Variants in KCNIP4 observed in about 807,000 individuals in gnomAD.
KCNIP4 encodes Kv channel-interacting protein 4.
A neutral mutation model predicts 34.0 loss-of-function variants in KCNIP4; 12 were observed. That is an observed-to-expected ratio of 0.35 (90% confidence interval 0.23 to 0.57). KCNIP4 has a LOEUF of 0.57. Ranked by LOEUF, KCNIP4 falls within the 20% of genes least tolerant of loss-of-function variation. The probability of loss-of-function intolerance (pLI) is 0.83; values close to 1 mark genes in which losing one functional copy is unlikely to be tolerated. For synonymous variants in KCNIP4, 124 were observed against 102.2 expected (o/e 1.21, Z -1.29); for missense variants, 238 against 311.7 (o/e 0.76, Z 1.78).
chr4:21,882,861 G>A (rs1417084167), intron 1 of KCNIP4, among the ~76,000 whole-genome samples: 1 of 152,110 alleles, frequency 6.6e-6, no homozygotes, highest in Non-Finnish European at 1.5e-5. Flanking sequence ...ACCAGACATT[G>A]CCATGTGAGC....
At chr4:21,780,930 T>G (rs1054399309) in intron 1 of KCNIP4, among the ~76,000 whole-genome samples, 12 of 152,154 alleles carry the variant, frequency 7.9e-5, no homozygotes, top group Admixed American at 4.6e-4. Context: ...ATCACTCCAA[T>G]TTTTGCTTCT....
chr4:21,683,446 ATTTTTTTTTTTTTTTTTTTTTTTTTTTTT>A (rs71191533), intron 1 of KCNIP4, among the ~76,000 whole-genome samples: 1 of 46,554 alleles, frequency 2.1e-5, no homozygotes, highest in Admixed American at 3.5e-4. Flanking sequence ...GTGAAGCCAG[ATTTTTTTTTTTTTTTTTTTTTTTTTTTTT>A]TTTTTTTTTT....
rs993316052 is a variant in KCNIP4 at position 20,807,316 on chromosome 4, A to G, written c.288+43227T>C. On this transcript the variant is annotated intron_variant, in intron 3 of 8. Coordinates refer to ENST00000382152, the MANE Select transcript of KCNIP4 (RefSeq NM_025221.6). ...AATGGAACTACTTGACACCAACATA[A>G]ACATTAGTGCAAAGACAAGTGTGAA... Among the ~76,000 whole-genome samples, 18 of 152,232 alleles carry G rather than the reference A, an allele frequency of 1.2e-4. No individual in the cohort carries two copies. In the South Asian group the frequency reaches 3.5e-3, roughly 30 times the overall value.
chr4:21,878,762 A>G (rs534932097), intron 1 of KCNIP4, among the ~76,000 whole-genome samples: 1 of 152,222 alleles, frequency 6.6e-6, no homozygotes, highest in Non-Finnish European at 1.5e-5. Flanking sequence ...AAATATGGTC[A>G]GACAAGCAAG....
At chr4:21,105,067 T>C (rs181990845) in intron 1 of KCNIP4, among the ~76,000 whole-genome samples, 2 of 151,832 alleles carry the variant, frequency 1.3e-5, no homozygotes, top group Admixed American at 1.3e-4. Flanking sequence ...AGGATTGACT[T>C]GGCAATGTGG....
intron 1 of KCNIP4, among the ~76,000 whole-genome samples, chr4:21,039,482 C>T (rs1196228397): frequency 6.6e-6 from 1 of 152,046 alleles, no homozygotes; most frequent in African/African-American, 2.4e-5. Context: ...GCAAGAAACC[C>T]TTATTCTACT....
At chr4:21,237,772 G>A (rs945645468) in intron 1 of KCNIP4, among the ~76,000 whole-genome samples, 2 of 152,102 alleles carry the variant, frequency 1.3e-5, no homozygotes, top group African/African-American at 2.4e-5. Flanking sequence ...AGGACCAGAT[G>A]GATTCACAGC....
At chr4:21,104,292 G>A (rs1456562389) in intron 1 of KCNIP4, among the ~76,000 whole-genome samples, 1 of 152,054 alleles carries the variant, frequency 6.6e-6, no homozygotes, top group Admixed American at 6.6e-5. Context: ...CATTCTAACT[G>A]GTGTGAGATG....
intron 1 of KCNIP4, among the ~76,000 whole-genome samples, chr4:21,080,730 T>G (rs1377081025): frequency 6.6e-6 from 1 of 151,898 alleles, no homozygotes; most frequent in Non-Finnish European, 1.5e-5. Context: ...CTTTATTTAT[T>G]CTAATTTTGT....
chr4:21,396,066 G>GCC lies in KCNIP4; in HGVS notation c.62-513358_62-513357insGG, dbSNP rs60588686. On this transcript the variant is annotated intron_variant, in intron 1 of 8. Transcript: ENST00000382152. ...GACTATGTAGAGTCTCCTATATATAGTCTATATATACATATATAAGACTAT... is the reference window on the plus strand; with the variant it reads ...GACTATGTAGAGTCTCCTATATATAGCCTCTATATATACATATATAAGACTAT... Among the ~76,000 whole-genome samples, 293 of 150,378 alleles carry GCC rather than the reference G, an allele frequency of 1.9e-3. 6 individuals are homozygous for GCC. The highest frequency in any genetic ancestry group is 6.8e-3 in the African/African-American group (275 of 40,676).
intron 1 of KCNIP4, among the ~76,000 whole-genome samples, chr4:21,631,411 A>G (rs1577722087): frequency 6.6e-6 from 1 of 152,302 alleles, no homozygotes; most frequent in Admixed American, 6.5e-5. Context: ...GACCTATTGG[A>G]CAGGCAATTT....
At chr4:21,432,373 C>T (rs80120254) in intron 1 of KCNIP4, among the ~76,000 whole-genome samples, 3,303 of 151,758 alleles carry the variant, frequency 0.022, 124 homozygotes, top group African/African-American at 0.076. Context: ...AAAAGCACCT[C>T]AATTTAGCAA....
chr4:21,249,095 C>G (rs1760499159), intron 1 of KCNIP4, among the ~76,000 whole-genome samples: 2 of 151,970 alleles, frequency 1.3e-5, no homozygotes, highest in Non-Finnish European at 2.9e-5. Context: ...GTAGAAATGA[C>G]TAGATTTCCT....
chr4:20,740,283 A>G (rs1247084261), intron 5 of KCNIP4, among the ~76,000 whole-genome samples: 3 of 152,156 alleles, frequency 2.0e-5, no homozygotes, highest in African/African-American at 7.2e-5. Context: ...ATAAATTGTC[A>G]GATTCACCAA....
intron 1 of KCNIP4, among the ~76,000 whole-genome samples, chr4:21,301,921 T>C (rs1225729200): frequency 6.6e-6 from 1 of 152,244 alleles, no homozygotes; most frequent in African/African-American, 2.4e-5. Context: ...TATTGCTTTC[T>C]ATCTCTGTCA....
intron 2 of KCNIP4, among the ~76,000 whole-genome samples, chr4:20,851,361 TC>T (rs1372018689): frequency 5.9e-5 from 9 of 152,188 alleles, no homozygotes; most frequent in Non-Finnish European, 1.2e-4. Context: ...AATAAAATGA[TC>T]TCTGTCCTTT....
intron 1 of KCNIP4, among the ~76,000 whole-genome samples, chr4:21,602,445 T>C (rs937806204): frequency 6.6e-6 from 1 of 152,094 alleles, no homozygotes; most frequent in African/African-American, 2.4e-5. Flanking sequence ...TACCAGAGTG[T>C]AGATAAGATG....
intron 1 of KCNIP4, among the ~76,000 whole-genome samples, chr4:21,134,117 C>T (rs957169137): frequency 3.0e-4 from 45 of 152,190 alleles, no homozygotes; most frequent in African/African-American, 1.0e-3. Context: ...AGACCACCCA[C>T]AGGTGACCTT....
At chr4:20,779,028 T>C (rs1756617634) in intron 3 of KCNIP4, among the ~76,000 whole-genome samples, 1 of 151,874 alleles carries the variant, frequency 6.6e-6, no homozygotes, top group South Asian at 2.1e-4. Flanking sequence ...GGCAGATAAA[T>C]TATAAAGAGG....
Sources: allele counts gnomAD v4.1 joint callset (sites outside exome capture counted in the v4.1 genomes callset), GRCh38; gene constraint gnomAD v4.1.1; transcripts MANE v1.5; gene names NCBI Gene and HGNC (gene_info 2026-07-23, HGNC 2026-07-21).